Variants in WDR20 observed in about 807,000 individuals in gnomAD.
WDR20 encodes the protein WD repeat domain 20.
A neutral mutation model predicts 38.7 loss-of-function variants in WDR20; 3 were observed. The observed-to-expected ratio is 0.08, with a 90% CI of 0.04 to 0.20. The LOEUF (loss-of-function observed/expected upper bound fraction) is 0.20. WDR20 is among the 10% of genes least tolerant of loss of function. The pLI, the probability that WDR20 is intolerant of heterozygous loss-of-function variation, is 1.00. For missense variants in WDR20, 559 were observed against 727.7 expected, an observed-to-expected ratio of 0.77 and a Z score of 2.67; for synonymous variants, 298 against 285.6, an observed-to-expected ratio of 1.04 and a Z score of -0.44.
At chr14:102,191,561 T>C (rs1425319472) in intron 1 of WDR20, among the ~76,000 whole-genome samples, 1 of 152,182 alleles carries the variant, frequency 6.6e-6, no homozygotes, top group Non-Finnish European at 1.5e-5. Context: ...CCTTTCTCTA[T>C]CTGGGGTGGG....
intron 1 of WDR20, chr14:102,193,619 G>A (rs1166448169): frequency 5.5e-6 from 6 of 1,086,734 alleles, no homozygotes; most frequent in African/African-American, 4.8e-5. Context: ...CATGTGCAAG[G>A]TTTTGAGTTT....
intron 1 of WDR20, among the ~76,000 whole-genome samples, chr14:102,179,902 C>T (rs1376429217): frequency 6.6e-6 from 1 of 152,136 alleles, no homozygotes; most frequent in Non-Finnish European, 1.5e-5. Flanking sequence ...CCTGTAATCC[C>T]AGCACTTTAT....
intron 2 of WDR20, among the ~76,000 whole-genome samples, chr14:102,200,065 G>A (rs751456313): frequency 2.2e-4 from 33 of 152,216 alleles, no homozygotes; most frequent in Non-Finnish European, 4.4e-5. Flanking sequence ...GTGAGCATGG[G>A]CAGGCCCTGC....
intron 1 of WDR20, among the ~76,000 whole-genome samples, chr14:102,180,019 G>A (rs1176452038): frequency 5.3e-5 from 8 of 152,144 alleles, no homozygotes; most frequent in African/African-American, 1.7e-4. Flanking sequence ...CAGGCGTGGT[G>A]GCAGGCGCTT....
At chr14:102,141,678 C>A (rs1377374789) in intron 1 of WDR20, among the ~76,000 whole-genome samples, 1 of 152,020 alleles carries the variant, frequency 6.6e-6, no homozygotes, top group Non-Finnish European at 1.5e-5. Context: ...ATATAATAAT[C>A]ATAATGAACT....
At chr14:102,150,307 C>G (rs1200618984) in intron 1 of WDR20, among the ~76,000 whole-genome samples, 1 of 152,010 alleles carries the variant, frequency 6.6e-6, no homozygotes, top group Non-Finnish European at 1.5e-5. Context: ...GAGACCCCAT[C>G]TCTACAAAAA....
At chr14:102,180,680 C>T (rs1432670357) in intron 1 of WDR20, among the ~76,000 whole-genome samples, 2 of 152,110 alleles carry the variant, frequency 1.3e-5, no homozygotes, top group African/African-American at 2.4e-5. Context: ...GTACTCTACA[C>T]GGAGGAGAGA....
chr14:102,217,677 C>T (rs957856041), downstream of WDR20, among the ~76,000 whole-genome samples: 9 of 152,220 alleles, frequency 5.9e-5, no homozygotes, highest in Admixed American at 2.6e-4. Flanking sequence ...CTTCGGGTGC[C>T]GTGAATAAAC....
At chr14:102,176,357 T>C (rs948268880) in intron 1 of WDR20, among the ~76,000 whole-genome samples, 1 of 151,522 alleles carries the variant, frequency 6.6e-6, no homozygotes, top group Non-Finnish European at 1.5e-5. Context: ...ATCGCGCCAC[T>C]GTACTCCAGC....
At chr14:102,161,405 C>T (rs1173813687) in intron 1 of WDR20, among the ~76,000 whole-genome samples, 1 of 151,024 alleles carries the variant, frequency 6.6e-6, no homozygotes, top group Non-Finnish European at 1.5e-5. Flanking sequence ...CTTCAGCCTC[C>T]TGGTCTCAAG....
intron 1 of WDR20, among the ~76,000 whole-genome samples, chr14:102,183,292 G>T (rs2063799926): frequency 6.6e-6 from 1 of 152,194 alleles, no homozygotes. Context: ...GTATTCTTCA[G>T]CTCACGCCTG....
At position 102,222,746 on chromosome 14, in the gene WDR20, G is replaced by A. The variant is rs1275110198; in HGVS notation, c.1693-84G>A. On this transcript the variant is annotated intron_variant, in intron 3 of 3. Transcript: ENST00000335263. The surrounding 1 kb of genome is among the most constrained non-coding windows in gnomAD (Gnocchi z 4.4). The stretch of plus-strand genomic sequence containing the variant: ...CATCAACAGCACCAGTTTTGACCAC[G>A]TGGAGCTGCTGGCGGAGGGCGCGCA... The A allele has an allele frequency of 9.5e-6, 14 of 1,477,270 alleles. No homozygotes were observed. Among genetic ancestry groups the A allele is most frequent in the African/African-American group, 1.4e-5 (1 of 72,186 alleles). The allele number at this position is 1,477,270 out of a possible 1,614,324, so 91.5% of individuals were successfully genotyped here.
chr14:102,209,859 A>G lies in WDR20; in HGVS notation c.1689A>G (p.Lys563=). 6.2e-7 allele frequency: 1 copy of G among 1,611,566 alleles called. No individual in the cohort carries two copies. Among genetic ancestry groups the G allele is most frequent in the Non-Finnish European group, 8.5e-7 (1 of 1,178,514 alleles). ...TTTGCACATGGGGAAGGCCTGGTAA[A>G]GTGGTAAGTTTTAATCCTTAATGCT... The part of the protein sequence containing the change: ...GFICTWGRPG[K]VVSFNP The change falls in exon 3 of 3, where the codon AAA becomes AAG. Residue 563 remains lysine, a synonymous_variant. Transcript: ENST00000342702. The surrounding 1 kb of genome is among the most constrained non-coding windows in gnomAD (Gnocchi z 6.0).
intron 1 of WDR20, among the ~76,000 whole-genome samples, chr14:102,147,206 C>T (rs2053954515): frequency 6.6e-6 from 1 of 152,068 alleles, no homozygotes; most frequent in Admixed American, 6.6e-5. Context: ...ACCAGCCTGG[C>T]CAACACGGGG....
intron 1 of WDR20, among the ~76,000 whole-genome samples, chr14:102,142,223 C>T (rs2051491162): frequency 6.6e-6 from 1 of 152,122 alleles, no homozygotes; most frequent in African/African-American, 2.4e-5. Context: ...CTTGTAGATA[C>T]ATTTGCATTG....
At chr14:102,192,563 G>T (rs1439716821) in intron 1 of WDR20, among the ~76,000 whole-genome samples, 1 of 152,164 alleles carries the variant, frequency 6.6e-6, no homozygotes, top group African/African-American at 2.4e-5. Context: ...CATATTGGGA[G>T]GCAGGGATGT....
At chr14:102,197,764 C>T in intron 2 of WDR20, 1 of 701,504 alleles carries the variant, frequency 1.4e-6, no homozygotes, top group Non-Finnish European at 2.6e-6. Context: ...GAACTCTTGT[C>T]AGCACTTGTG....
At chr14:102,203,677 C>G (rs553479134) in intron 2 of WDR20, among the ~76,000 whole-genome samples, 1 of 152,294 alleles carries the variant, frequency 6.6e-6, no homozygotes, top group South Asian at 2.1e-4. Flanking sequence ...CCACTCCTGC[C>G]TCCCTGCCCA....
At chr14:102,141,914 A>T (rs1002273872) in intron 1 of WDR20, among the ~76,000 whole-genome samples, 83 of 152,232 alleles carry the variant, frequency 5.5e-4, no homozygotes, top group Middle Eastern at 6.8e-3. Context: ...TTACTTAAAA[A>T]TTTTTTTTTC....
Sources: gnomAD v4.1 joint callset for allele counts (sites outside exome capture counted in the v4.1 genomes callset) on GRCh38, gnomAD v4.1.1 for gene constraint, Gnocchi (gnomAD v3.1) non-coding constraint, MANE v1.5 for transcripts, NCBI Gene and HGNC (gene_info 2026-07-23, HGNC 2026-07-21) for gene names.